Variants in RTN1 observed in about 807,000 individuals in gnomAD.
RTN1 encodes reticulon-1.
A neutral mutation model predicts 65.5 loss-of-function variants in RTN1; 25 were observed. The ratio of observed to expected loss-of-function variants is 0.38; its 90% CI spans 0.28 to 0.53. The LOEUF (loss-of-function observed/expected upper bound fraction) is 0.53. Ranked by LOEUF, RTN1 falls within the 20% of genes least tolerant of loss-of-function variation. RTN1 has a pLI of 0.79. For missense variants in RTN1, 983 were observed against 1,025.4 expected (o/e 0.96, Z 0.57); for synonymous variants, 471 against 447.6 (o/e 1.05, Z -0.66).
In RTN1 at chr14:59,726,952, G is replaced by C. The variant is rs1055091772; in HGVS notation, c.1732C>G (p.Pro578Ala). Reference protein sequence around the residue: ...KGPGPLGPGAPPPLLFLNKQK... With the variant: ...KGPGPLGPGAAPPLLFLNKQK... ...TTATTGAGAAACAGCAGTGGGGGCG[G>C]GGCGCCAGGACCTAGAGGCCCAGGG... Residue 578 changes from proline to alanine, a missense_variant, in exon 3 of 9, where the codon CCG (proline) becomes GCG (alanine). Transcript: ENST00000267484. 3.7e-6 allele frequency: 6 copies of C among 1,613,126 alleles called. No homozygotes were observed. Among genetic ancestry groups the C allele is most frequent in the Non-Finnish European group, 5.1e-6 (6 of 1,179,710 alleles).
rs371855804 is a variant in RTN1, at chr14:59,746,090, A to G, written c.633T>C (p.His211=). 54 of 1,613,672 alleles carry G rather than the reference A, an allele frequency of 3.3e-5. No individual in the cohort carries two copies. Among genetic ancestry groups the G allele is most frequent in the Non-Finnish European group, 4.3e-5 (51 of 1,179,960 alleles). The change falls in exon 2 of 9, where the codon CAT becomes CAC. Residue 211 remains histidine (H), a synonymous_variant. Transcript: ENST00000267484. The part of the protein sequence containing the change: ...RPEEVKHQEQ[H]HPELEDKDLD... ...AGTCTTTATCTTCCAGCTCGGGGTG[A>G]TGTTGTTCTTGGTGCTTCACCTCCT... is the stretch of plus-strand genomic sequence containing the variant.
At chr14:59,607,954 C>T (rs1192823355) in intron 3 of RTN1, among the ~76,000 whole-genome samples, 1 of 151,208 alleles carries the variant, frequency 6.6e-6, no homozygotes, top group Non-Finnish European at 1.5e-5. Context: ...TGGACTAAAC[C>T]ATTTTGTTCA....
At chr14:59,756,486 TA>T (rs1885639613) in intron 1 of RTN1, among the ~76,000 whole-genome samples, 1 of 152,182 alleles carries the variant, frequency 6.6e-6, no homozygotes, top group Non-Finnish European at 1.5e-5. Context: ...CCACCACCAC[TA>T]TCTTCTAATT....
intron 3 of RTN1, among the ~76,000 whole-genome samples, chr14:59,649,696 T>G (rs1423411528): frequency 6.6e-6 from 1 of 151,978 alleles, no homozygotes; most frequent in Non-Finnish European, 1.5e-5. Flanking sequence ...AAAACCACAG[T>G]GAGATACCAT....
intron 8 of RTN1, among the ~76,000 whole-genome samples, chr14:59,597,187 A>G (rs1297483805): frequency 6.6e-6 from 1 of 152,208 alleles, no homozygotes; most frequent in East Asian, 1.9e-4. Context: ...ATGGTTATAT[A>G]ACTAGGGATA....
chr14:59,842,597 T>C (rs1887334434), intron 1 of RTN1, among the ~76,000 whole-genome samples: 1 of 152,186 alleles, frequency 6.6e-6, no homozygotes, highest in South Asian at 2.1e-4. Flanking sequence ...AGAGAAAATA[T>C]GAAAACCACT....
intron 1 of RTN1, among the ~76,000 whole-genome samples, chr14:59,812,872 G>A (rs746044812): frequency 1.3e-5 from 2 of 152,178 alleles, no homozygotes; most frequent in Non-Finnish European, 2.9e-5. Flanking sequence ...GAAATGGAGA[G>A]TGGTCAAGAA....
At position 59,843,905 on chromosome 14, in the gene RTN1, G is replaced by T. The variant is rs190029527; in HGVS notation, c.241+26485C>A. 7.6e-3 allele frequency among the ~76,000 whole-genome samples: 1,152 copies of T among 152,108 alleles called. 9 individuals are homozygous for T. Among genetic ancestry groups the T allele is most frequent in the Non-Finnish European group, 0.011 (746 of 67,978 alleles). On this transcript the variant is annotated intron_variant, in intron 1 of 8. Transcript: ENST00000267484. ...TATAAACATTTTAAAGGCACTAGGG[G>T]AAAAAAGAGATTTATATTAAGAAAA...
chr14:59,618,529 C>T (rs1378763731), intron 3 of RTN1, among the ~76,000 whole-genome samples: 1 of 152,238 alleles, frequency 6.6e-6, no homozygotes, highest in African/African-American at 2.4e-5. Context: ...TCCCTGAATG[C>T]TCAGTGAGAC....
rs752220474 is a variant in RTN1, at chr14:59,727,147, G to T, written c.1537C>A (p.Arg513=). 32 of 1,600,780 alleles carry T rather than the reference G, an allele frequency of 2.0e-5. No homozygotes were observed. In the South Asian group the frequency reaches 2.4e-4, roughly 12 times the overall value. ...GAACCCGGCTCGGCCAGGCCCCGCC[G>T]GCTTGGCGCACGCTCCTCGGCCCGG... is the stretch of plus-strand genomic sequence containing the variant. ...GVRAEERAPS[R]RGLAEPGSFL... Residue 513 remains arginine (R), a synonymous_variant, in exon 3 of 9, where the codon CGG becomes AGG. Transcript: ENST00000267484. This position sits in a 1 kb window ranked among gnomAD's most constrained non-coding sequence, Gnocchi z 4.2.
intron 3 of RTN1, among the ~76,000 whole-genome samples, chr14:59,724,688 C>T (rs1192234498): frequency 1.3e-5 from 2 of 151,458 alleles, no homozygotes; most frequent in East Asian, 3.9e-4. Context: ...CCATTGCACT[C>T]CAGCCTGGGC....
chr14:59,663,335 G>A (rs374343248), intron 3 of RTN1, among the ~76,000 whole-genome samples: 2 of 152,042 alleles, frequency 1.3e-5, no homozygotes, highest in East Asian at 1.9e-4. Context: ...CTAGGACATA[G>A]GCTTGGGCAA....
chr14:59,788,732 G>C (rs973332562), intron 1 of RTN1, among the ~76,000 whole-genome samples: 7 of 152,092 alleles, frequency 4.6e-5, no homozygotes, highest in Admixed American at 2.0e-4. Flanking sequence ...GCTCTAAGCT[G>C]TCTGGGTTAC....
At chr14:59,653,487 T>C (rs1883060587) in intron 3 of RTN1, among the ~76,000 whole-genome samples, 1 of 152,128 alleles carries the variant, frequency 6.6e-6, no homozygotes. Context: ...GTAAATATTT[T>C]GGTGTATGTA....
intron 3 of RTN1, among the ~76,000 whole-genome samples, chr14:59,636,483 G>A (rs990286176): frequency 2.6e-5 from 4 of 152,136 alleles, no homozygotes; most frequent in African/African-American, 9.7e-5. Context: ...TGTACAGCCC[G>A]CAGATCCGTG....
intron 1 of RTN1, among the ~76,000 whole-genome samples, chr14:59,786,562 G>A (rs969123492): frequency 6.6e-6 from 1 of 152,178 alleles, no homozygotes; most frequent in Non-Finnish European, 1.5e-5. Flanking sequence ...GTCTTGGTAA[G>A]ACCCTTTTCA....
chr14:59,785,533 G>C (rs1189943476), intron 1 of RTN1, among the ~76,000 whole-genome samples: 1 of 152,108 alleles, frequency 6.6e-6, no homozygotes, highest in Admixed American at 6.5e-5. Flanking sequence ...ACTTATTTAA[G>C]CAAATTAACA....
At chr14:59,760,364 T>A (rs1168823497) in intron 1 of RTN1, among the ~76,000 whole-genome samples, 3 of 152,006 alleles carry the variant, frequency 2.0e-5, no homozygotes, top group Non-Finnish European at 4.4e-5. Context: ...ACTGAGAGAG[T>A]ATACAAGAAA....
intron 3 of RTN1, among the ~76,000 whole-genome samples, chr14:59,649,368 A>C (rs1882975102): frequency 6.6e-6 from 1 of 152,202 alleles, no homozygotes; most frequent in South Asian, 2.1e-4. Context: ...CATGACTGAA[A>C]CACCAAAAGC....
Sources: gnomAD v4.1 joint callset for allele counts (sites outside exome capture counted in the v4.1 genomes callset) on GRCh38, gnomAD v4.1.1 for gene constraint, Gnocchi (gnomAD v3.1) non-coding constraint, MANE v1.5 for transcripts, NCBI Gene and HGNC (gene_info 2026-07-23, HGNC 2026-07-21) for gene names.